CLSTN2: variants seen among roughly 807,000 people sequenced by gnomAD.
CLSTN2 encodes the protein calsyntenin 2.
CLSTN2 carries 48 observed loss-of-function variants against 101.2 expected under a neutral mutation model. The observed-to-expected ratio is 0.47, with a 90% CI of 0.38 to 0.60. The LOEUF (loss-of-function observed/expected upper bound fraction) is 0.60. Among genes scored for constraint, CLSTN2 ranks in the 20% least tolerant of loss-of-function variants. The pLI is 0.00. For missense variants in CLSTN2, 1,160 were observed against 1,238.2 expected (o/e 0.94, Z 0.95); for synonymous variants, 481 against 463.6 (o/e 1.04, Z -0.48).
intron 1 of CLSTN2, among the ~76,000 whole-genome samples, chr3:140,092,790 T>C (rs112530945): frequency 4.6e-5 from 7 of 152,146 alleles, no homozygotes; most frequent in African/African-American, 1.7e-4. Flanking sequence ...GAGAAGGGAC[T>C]CAGCAATCCT....
intron 2 of CLSTN2, among the ~76,000 whole-genome samples, chr3:140,203,091 T>C (rs964902864): frequency 6.6e-6 from 1 of 152,118 alleles, no homozygotes; most frequent in Non-Finnish European, 1.5e-5. Flanking sequence ...CCCTCCCAAA[T>C]TGGAATGTGT....
At chr3:140,259,401 G>T (rs1469575659) in intron 2 of CLSTN2, among the ~76,000 whole-genome samples, 1 of 152,060 alleles carries the variant, frequency 6.6e-6, no homozygotes, top group Non-Finnish European at 1.5e-5. Flanking sequence ...TTGAACTCAG[G>T]AGGCAGAGGT....
At chr3:140,465,696 G>A (rs974403282) in intron 7 of CLSTN2, among the ~76,000 whole-genome samples, 2 of 152,190 alleles carry the variant, frequency 1.3e-5, no homozygotes, top group Admixed American at 1.3e-4. Context: ...CAGCTTCAAT[G>A]TCATGATATA....
At chr3:140,160,712 A>G (rs2010032078) in intron 1 of CLSTN2, among the ~76,000 whole-genome samples, 1 of 152,066 alleles carries the variant, frequency 6.6e-6, no homozygotes, top group Admixed American at 6.6e-5. Context: ...TTGGTCAACC[A>G]AAAGTTGTTC....
At chr3:139,967,981 G>A (rs944187573) in intron 1 of CLSTN2, among the ~76,000 whole-genome samples, 4 of 152,018 alleles carry the variant, frequency 2.6e-5, no homozygotes, top group Admixed American at 6.6e-5. Context: ...ACACATATAT[G>A]TGTGTCTGTG....
intron 2 of CLSTN2, among the ~76,000 whole-genome samples, chr3:140,260,393 T>G (rs2086641703): frequency 6.6e-6 from 1 of 151,814 alleles, no homozygotes; most frequent in South Asian, 2.1e-4. Flanking sequence ...CTTTTTTCTA[T>G]TTTTAGTTTC....
At chr3:140,112,237 C>A (rs762497957) in intron 1 of CLSTN2, among the ~76,000 whole-genome samples, 1 of 152,162 alleles carries the variant, frequency 6.6e-6, no homozygotes, top group Non-Finnish European at 1.5e-5. Context: ...AGAAACCATC[C>A]TTTAACTACT....
chr3:140,463,446 T>A (rs933300299), intron 7 of CLSTN2, among the ~76,000 whole-genome samples: 1 of 152,128 alleles, frequency 6.6e-6, no homozygotes, highest in Non-Finnish European at 1.5e-5. Flanking sequence ...ATGGGGGTAT[T>A]TTCACACTTA....
intron 1 of CLSTN2, among the ~76,000 whole-genome samples, chr3:140,044,524 T>C (rs899617988): frequency 7.2e-5 from 11 of 152,054 alleles, no homozygotes; most frequent in African/African-American, 2.2e-4. Context: ...CCTTTATTTC[T>C]TTCTCCTGCC....
chr3:140,468,281 G>T (rs558482495), intron 8 of CLSTN2, among the ~76,000 whole-genome samples: 2 of 152,258 alleles, frequency 1.3e-5, no homozygotes, highest in South Asian at 4.1e-4. Flanking sequence ...CATATTGTGA[G>T]GGTTTTTAAA....
intron 2 of CLSTN2, among the ~76,000 whole-genome samples, chr3:140,269,487 T>C (rs1323231883): frequency 2.0e-5 from 3 of 152,186 alleles, no homozygotes; most frequent in Non-Finnish European, 2.9e-5. Context: ...ATGTTTGTAA[T>C]CAAAGAAGAT....
chr3:139,953,639 A>G (rs1335560897), intron 1 of CLSTN2, among the ~76,000 whole-genome samples: 1 of 152,178 alleles, frequency 6.6e-6, no homozygotes, highest in Non-Finnish European at 1.5e-5. Flanking sequence ...ATGGAGCAGC[A>G]TTCCAACTCC....
intron 8 of CLSTN2, among the ~76,000 whole-genome samples, chr3:140,513,950 A>G (rs549346893): frequency 2.0e-5 from 3 of 152,094 alleles, no homozygotes; most frequent in South Asian, 4.1e-4. Flanking sequence ...TATTCCACTT[A>G]TCATTTCTGA....
intron 1 of CLSTN2, among the ~76,000 whole-genome samples, chr3:140,084,724 C>T (rs547550188): frequency 6.9e-6 from 1 of 145,512 alleles, no homozygotes; most frequent in Admixed American, 7.0e-5. Context: ...ATCACAAATT[C>T]TAAGGGATTC....
intron 2 of CLSTN2, among the ~76,000 whole-genome samples, chr3:140,228,152 G>T (rs1053484336): frequency 6.6e-6 from 1 of 152,106 alleles, no homozygotes; most frequent in Admixed American, 6.6e-5. Context: ...GAACTTTTAG[G>T]CTTTCCTTCC....
chr3:140,546,663 C>A lies in CLSTN2; in HGVS notation c.1656C>A (p.Ser552Arg), dbSNP rs374306883. 1 of 1,612,942 alleles carries A rather than the reference C, an allele frequency of 6.2e-7. No homozygotes were observed. Among genetic ancestry groups the A allele is most frequent in the Non-Finnish European group, 8.5e-7 (1 of 1,179,706 alleles). ...GGCTGGACATTAATTCCTTGGAAAG[C>A]CTTGGCCAAGGAATAAAGGTAAGGC... is the stretch of plus-strand genomic sequence containing the variant. ...KEGLDINSLE[S>R]LGQGIKYHFN... The change falls in exon 10 of 17, where the codon AGC becomes AGA. Residue 552 changes from serine to arginine, a missense_variant. By Grantham distance (110) the Ser-to-Arg change is moderately radical. Transcript: ENST00000458420.
intron 2 of CLSTN2, among the ~76,000 whole-genome samples, chr3:140,189,934 C>T (rs756555229): frequency 9.9e-5 from 15 of 152,218 alleles, no homozygotes; most frequent in South Asian, 6.2e-4. Context: ...TATTTCTCAC[C>T]GCTCTGGAGC....
At chr3:140,254,629 C>A (rs1359937034) in intron 2 of CLSTN2, among the ~76,000 whole-genome samples, 2 of 152,072 alleles carry the variant, frequency 1.3e-5, no homozygotes, top group Admixed American at 6.5e-5. Flanking sequence ...CATACAGATG[C>A]AGAAGATTGA....
chr3:140,229,636 C>T (rs1381374502), intron 2 of CLSTN2, among the ~76,000 whole-genome samples: 1 of 151,988 alleles, frequency 6.6e-6, no homozygotes, highest in African/African-American at 2.4e-5. Context: ...AAATAGGTAC[C>T]TGAGTGAGTG....
Sources: allele counts gnomAD v4.1 joint callset (sites outside exome capture counted in the v4.1 genomes callset), GRCh38; gene constraint gnomAD v4.1.1; transcripts MANE v1.5; gene names NCBI Gene and HGNC (gene_info 2026-07-23, HGNC 2026-07-21).